Variants in DACH2 observed in about 807,000 individuals in gnomAD.
DACH2 encodes the protein dachshund family transcription factor 2.
Under a neutral mutation model 35.8 loss-of-function variants are expected in DACH2, and 17 were observed. The observed-to-expected ratio is 0.48, with a 90% CI of 0.33 to 0.71. The LOEUF is 0.71. DACH2 is among the 30% of genes least tolerant of loss of function. The pLI is 0.02. For missense variants in DACH2, 469 were observed against 472.7 expected, an observed-to-expected ratio of 0.99 and a Z score of 0.07; for synonymous variants, 195 against 177.3, an observed-to-expected ratio of 1.10 and a Z score of -0.79.
chrX:86,294,607 G>A (rs1410573392), intron 1 of DACH2, among the ~76,000 whole-genome samples: 5 of 109,260 alleles, frequency 4.6e-5, no homozygotes, highest in Non-Finnish European at 9.5e-5. Flanking sequence ...TTTTTGGTGT[G>A]GATGTCCTTT....
chrX:86,764,567 T>G (rs1174658310), intron 7 of DACH2, among the ~76,000 whole-genome samples: 4 of 111,995 alleles, frequency 3.6e-5, no homozygotes, highest in African/African-American at 1.3e-4. Flanking sequence ...TTTTATTCTT[T>G]TTTTATGGCT....
In DACH2 at chrX:86,258,137, G is replaced by GA. The variant is rs773957201; in HGVS notation, c.488+109037dup. The stretch of plus-strand genomic sequence containing the variant: ...GTACTAATGACATTTTGGCATATTG[G>GA]AAAAAAAATATTTTTCAGAATAAAG... On this transcript the variant is annotated intron_variant, in intron 1 of 11. Coordinates refer to ENST00000373125, the MANE Select transcript of DACH2 (RefSeq NM_053281.3). 3.4e-4 allele frequency among the ~76,000 whole-genome samples: 38 copies of GA among 111,346 alleles called. No homozygotes were observed. The Middle Eastern group carries it at 0.014, about 41-fold the overall frequency.
At chrX:86,307,257 G>C (rs749618526) in intron 1 of DACH2, among the ~76,000 whole-genome samples, 2 of 111,905 alleles carry the variant, frequency 1.8e-5, no homozygotes, top group Admixed American at 9.5e-5. Context: ...CTGAGTGAGA[G>C]TCTTATCTCC....
chrX:86,358,786 C>T (rs1285263777), intron 1 of DACH2, among the ~76,000 whole-genome samples: 1 of 111,572 alleles, frequency 9.0e-6, no homozygotes, highest in East Asian at 2.8e-4. Context: ...ATGATATAAA[C>T]ATGTTGTTTA....
chrX:86,724,990 A>G (rs993108210), intron 6 of DACH2, among the ~76,000 whole-genome samples: 2 of 106,668 alleles, frequency 1.9e-5, no homozygotes, highest in African/African-American at 6.8e-5. Context: ...AATGTACTTT[A>G]TATATCCTTC....
In DACH2 at chrX:86,148,452, CTGTT is replaced by C. The variant is rs1478572940; in HGVS notation, c.-164_-161del. ...GGCCGCAGCGGGTCGGGGCTGCTCA[CTGTT>C]TGTTGAGCTTGAGCGTGAGCCGGCT... On this transcript the variant is annotated 5_prime_UTR_variant, in exon 1 of 12. Coordinates refer to ENST00000373125, the MANE Select transcript of DACH2 (RefSeq NM_053281.3). 31 of 539,161 alleles carry C rather than the reference CTGTT, an allele frequency of 5.7e-5. No homozygotes were observed. The highest frequency in any genetic ancestry group is 1.1e-4 in the South Asian group (3 of 27,585). The allele number at this position is 539,161 out of a possible 1,213,427, so 44.4% of individuals were successfully genotyped here.
intron 3 of DACH2, among the ~76,000 whole-genome samples, chrX:86,612,894 C>A (rs932183395): frequency 8.9e-6 from 1 of 112,264 alleles, no homozygotes; most frequent in Non-Finnish European, 1.9e-5. Flanking sequence ...CACCTCATGA[C>A]CTAGTTTTAA....
intron 1 of DACH2, among the ~76,000 whole-genome samples, chrX:86,181,233 C>T (rs139839694): frequency 0.014 from 1,542 of 109,329 alleles, 37 homozygotes; most frequent in African/African-American, 0.049. Flanking sequence ...ATGTGCAGAA[C>T]GTGAAGGTTT....
intron 1 of DACH2, among the ~76,000 whole-genome samples, chrX:86,363,238 G>T (rs1258449987): frequency 9.0e-6 from 1 of 111,122 alleles, no homozygotes; most frequent in Non-Finnish European, 1.9e-5. Context: ...TGCTTTATCT[G>T]TAGTGAGATT....
At chrX:86,612,515 T>C (rs1173079215) in intron 3 of DACH2, among the ~76,000 whole-genome samples, 1 of 111,635 alleles carries the variant, frequency 9.0e-6, no homozygotes, top group Non-Finnish European at 1.9e-5. Flanking sequence ...CCAATGTCAA[T>C]TTTTGAATGT....
chrX:86,391,426 G>C (rs1190465153), intron 2 of DACH2, among the ~76,000 whole-genome samples: 1 of 108,814 alleles, frequency 9.2e-6, no homozygotes, highest in Non-Finnish European at 1.9e-5. Flanking sequence ...TTTATAAGGG[G>C]TTGTAGAAAC....
intron 1 of DACH2, among the ~76,000 whole-genome samples, chrX:86,262,181 C>T (rs1029999919): frequency 8.2e-5 from 9 of 109,977 alleles, no homozygotes; most frequent in African/African-American, 2.7e-4. Flanking sequence ...TCCAGCTCCT[C>T]GGGAGGCTGA....
intron 7 of DACH2, among the ~76,000 whole-genome samples, chrX:86,781,125 C>A (rs760608874): frequency 6.8e-4 from 76 of 111,602 alleles, no homozygotes; most frequent in Non-Finnish European, 1.1e-3. Context: ...TCAGTAGACA[C>A]CTGGCAAGGC....
intron 2 of DACH2, among the ~76,000 whole-genome samples, chrX:86,396,415 G>A (rs1176108196): frequency 1.0e-5 from 1 of 95,535 alleles, no homozygotes; most frequent in Middle Eastern, 4.6e-3. Flanking sequence ...TGTCAATTTT[G>A]GCTTTTGTTG....
intron 2 of DACH2, among the ~76,000 whole-genome samples, chrX:86,398,224 C>T (rs185450160): frequency 0.085 from 9,442 of 111,085 alleles, 1,057 homozygotes; most frequent in African/African-American, 0.3. Flanking sequence ...TCTGTGGGAT[C>T]GGTGGTGATA....
intron 7 of DACH2, among the ~76,000 whole-genome samples, chrX:86,742,050 C>A (rs1309220943): frequency 9.1e-6 from 1 of 110,322 alleles, no homozygotes; most frequent in Non-Finnish European, 1.9e-5. Flanking sequence ...GAAGTAAAAT[C>A]AAATATATCC....
At chrX:86,441,942 G>A (rs893503211) in intron 2 of DACH2, among the ~76,000 whole-genome samples, 5 of 107,867 alleles carry the variant, frequency 4.6e-5, no homozygotes, top group African/African-American at 1.7e-4. Context: ...GAGTTCAGTG[G>A]TATGATCAAA....
At chrX:86,801,395 C>T in intron 7 of DACH2, among the ~76,000 whole-genome samples, 1 of 110,732 alleles carries the variant, frequency 9.0e-6, no homozygotes, top group East Asian at 2.9e-4. Flanking sequence ...TGTACCAAGC[C>T]CATTGCCTCC....
intron 1 of DACH2, among the ~76,000 whole-genome samples, chrX:86,279,555 A>T (rs2033984784): frequency 9.0e-6 from 1 of 111,375 alleles, no homozygotes; most frequent in Non-Finnish European, 1.9e-5. Flanking sequence ...ATCCACAAAG[A>T]TGAGGTACAA....
Sources: allele counts gnomAD v4.1 joint callset (sites outside exome capture counted in the v4.1 genomes callset), GRCh38; gene constraint gnomAD v4.1.1; transcripts MANE v1.5; gene names NCBI Gene and HGNC (gene_info 2026-07-23, HGNC 2026-07-21).